PRKN: variants seen among roughly 807,000 people sequenced by gnomAD.
The protein encoded by PRKN is E3 ubiquitin-protein ligase parkin.
In PRKN, 56 loss-of-function variants were observed where a neutral mutation model predicts 59.5. That is an observed-to-expected ratio of 0.94 (90% CI 0.76 to 1.18). PRKN has a LOEUF of 1.18. PRKN is among the 50% of genes most tolerant of loss of function. The pLI, the probability that PRKN is intolerant of heterozygous loss-of-function variation, is 0.00. For missense variants in PRKN, 657 were observed against 596.4 expected (o/e 1.10, Z -1.06); for synonymous variants, 250 against 222.1 (o/e 1.13, Z -1.12).
intron 4 of PRKN, among the ~76,000 whole-genome samples, chr6:162,151,870 G>T (rs1030368168): frequency 3.3e-5 from 5 of 151,484 alleles, no homozygotes; most frequent in South Asian, 2.1e-4. Flanking sequence ...GACATAAACT[G>T]CCCAGAGTTA....
At chr6:162,235,964 A>AGAAAAAGAAAGAAAGAAAGAAAGAAAG (rs1554288862) in intron 3 of PRKN, among the ~76,000 whole-genome samples, 12 of 87,246 alleles carry the variant, frequency 1.4e-4, no homozygotes, top group Non-Finnish European at 2.4e-4. Context: ...AAAGGAAGAA[A>AGAAAAAGAAAGAAAGAAAGAAAGAAAG]GAAAGAAAGA....
intron 5 of PRKN, among the ~76,000 whole-genome samples, chr6:162,049,481 CTT>C (rs1378138823): frequency 2.6e-5 from 4 of 152,122 alleles, no homozygotes; most frequent in African/African-American, 9.7e-5. Flanking sequence ...GTGCTCAAAC[CTT>C]CAGTCCCTTC....
chr6:162,458,809 G>T (rs1402667327), intron 1 of PRKN, among the ~76,000 whole-genome samples: 1 of 152,024 alleles, frequency 6.6e-6, no homozygotes, highest in Non-Finnish European at 1.5e-5. Flanking sequence ...AGAAGAGGAA[G>T]AAATAAATGT....
intron 6 of PRKN, among the ~76,000 whole-genome samples, chr6:161,931,945 T>A (rs1408111248): frequency 1.3e-5 from 2 of 152,140 alleles, no homozygotes; most frequent in Non-Finnish European, 2.9e-5. Context: ...AAACAATTCA[T>A]CCATCGAAGG....
At chr6:161,539,870 G>A (rs912332762) in intron 9 of PRKN, among the ~76,000 whole-genome samples, 2 of 152,034 alleles carry the variant, frequency 1.3e-5, no homozygotes, top group Non-Finnish European at 1.5e-5. Context: ...AAGTGATTCC[G>A]TATCAGGACA....
At chr6:162,387,431 G>C (rs1786892068) in intron 2 of PRKN, among the ~76,000 whole-genome samples, 1 of 151,856 alleles carries the variant, frequency 6.6e-6, no homozygotes, top group African/African-American at 2.4e-5. Flanking sequence ...TGTTCATACA[G>C]AGAAATTGAG....
At chr6:162,254,547 C>G (rs1393492972) in intron 3 of PRKN, among the ~76,000 whole-genome samples, 1 of 151,966 alleles carries the variant, frequency 6.6e-6, no homozygotes, top group Admixed American at 6.6e-5. Flanking sequence ...GATCTGAAAA[C>G]AGTGCTCAGT....
intron 2 of PRKN, among the ~76,000 whole-genome samples, chr6:162,306,638 A>G (rs1236859842): frequency 1.3e-5 from 2 of 152,228 alleles, no homozygotes; most frequent in African/African-American, 4.8e-5. Flanking sequence ...AAGTATTTGA[A>G]CAAATTAATT....
intron 8 of PRKN, 41 bp downstream of exon 8, chr6:161,569,314 T>G (rs2115479793): frequency 6.3e-7 from 1 of 1,580,282 alleles, no homozygotes; most frequent in South Asian, 1.1e-5. Flanking sequence ...AGCGTCTATC[T>G]TTCATGACAG....
chr6:161,791,410 C>T (rs1022428914), intron 6 of PRKN, among the ~76,000 whole-genome samples: 5 of 152,244 alleles, frequency 3.3e-5, no homozygotes, highest in East Asian at 3.9e-4. Flanking sequence ...AAATAGCATG[C>T]GAGTTTTTAT....
chr6:161,501,149 G>A (rs1229842641), intron 9 of PRKN, among the ~76,000 whole-genome samples: 1 of 152,152 alleles, frequency 6.6e-6, no homozygotes, highest in East Asian at 1.9e-4. Flanking sequence ...TGGGATTACA[G>A]GCAAGAGCCA....
At chr6:162,028,889 G>A (rs1008341235) in intron 5 of PRKN, among the ~76,000 whole-genome samples, 1 of 152,224 alleles carries the variant, frequency 6.6e-6, no homozygotes, top group Non-Finnish European at 1.5e-5. Flanking sequence ...AAGCCATGTG[G>A]AAACCAAAGA....
In PRKN at chr6:161,733,640, C is replaced by T. The variant is rs1787812413; in HGVS notation, c.871+52132G>A. 2.0e-5 allele frequency among the ~76,000 whole-genome samples: 3 copies of T among 151,786 alleles called. No individual in the cohort carries two copies. The South Asian group carries it at 6.3e-4, about 32-fold the overall frequency. On this transcript the variant is annotated intron_variant, in intron 7 of 11. Coordinates refer to ENST00000366898, the MANE Select transcript of PRKN (RefSeq NM_004562.3). The stretch of plus-strand genomic sequence containing the variant: ...TTCACTTTGCTTAACTGAAACAAAG[C>T]TTGATCCCAAAGAGAGAAAATTTTC...
In PRKN at chr6:161,499,993, T is replaced by C. The variant is rs1226276905; in HGVS notation, c.1083+48861A>G. ...CACTCTCCTCCTTCCCCACTTTTGT[T>C]CATGCAGTGTCTTTGCCAAAAGTCC... is the stretch of plus-strand genomic sequence containing the variant. On this transcript the variant is annotated intron_variant, in intron 9 of 11. Coordinates refer to ENST00000366898, the MANE Select transcript of PRKN (RefSeq NM_004562.3). This position sits in a 1 kb window ranked among gnomAD's most constrained non-coding sequence, Gnocchi z 4.2. 6.6e-6 allele frequency among the ~76,000 whole-genome samples: 1 copy of C among 152,200 alleles called. No individual in the cohort carries two copies. Among genetic ancestry groups the C allele is most frequent in the Non-Finnish European group, 1.5e-5 (1 of 68,034 alleles).
intron 7 of PRKN, among the ~76,000 whole-genome samples, chr6:161,761,248 T>G (rs1349359059): frequency 1.3e-5 from 2 of 152,202 alleles, no homozygotes; most frequent in African/African-American, 4.8e-5. Context: ...GGGCTGCTCT[T>G]TGAAAGTAAA....
intron 1 of PRKN, among the ~76,000 whole-genome samples, chr6:162,499,618 TGAAAGACTTTTG>T (rs1481899741): frequency 6.6e-6 from 1 of 152,226 alleles, no homozygotes; most frequent in Non-Finnish European, 1.5e-5. Flanking sequence ...CTTCAAAGGT[TGAAAGACTTTTG>T]GAAAATTAAT....
intron 4 of PRKN, among the ~76,000 whole-genome samples, chr6:162,183,750 A>G (rs1009130979): frequency 1.3e-5 from 2 of 152,128 alleles, no homozygotes; most frequent in African/African-American, 4.8e-5. Flanking sequence ...TAGCCATAAA[A>G]CTTTACTAAC....
In PRKN at chr6:161,405,182, T is replaced by A. The variant is rs1222965736; in HGVS notation, c.1084-18305A>T. ...CAAATGGCAGTGGGTGAAATAGGCT[T>A]GGTCACACAGTGACAAGATTTACAA... On this transcript the variant is annotated intron_variant, in intron 9 of 11. Coordinates refer to ENST00000366898, the MANE Select transcript of PRKN (RefSeq NM_004562.3). The surrounding 1 kb of genome is among the most constrained non-coding windows in gnomAD (Gnocchi z 5.1). Among the ~76,000 whole-genome samples the A allele has an allele frequency of 1.3e-5, 2 of 152,210 alleles. No individual in the cohort carries two copies. Among genetic ancestry groups the A allele is most frequent in the East Asian group, 3.8e-4 (2 of 5,202 alleles).
intron 9 of PRKN, among the ~76,000 whole-genome samples, chr6:161,436,626 G>A (rs1340655867): frequency 6.6e-6 from 1 of 151,982 alleles, no homozygotes; most frequent in African/African-American, 2.4e-5. Flanking sequence ...GAGAAAGAGA[G>A]AAAGGCATGA....
Sources: allele counts gnomAD v4.1 joint callset (sites outside exome capture counted in the v4.1 genomes callset), GRCh38; gene constraint gnomAD v4.1.1; non-coding constraint Gnocchi (gnomAD v3.1); transcripts MANE v1.5; gene names NCBI Gene and HGNC (gene_info 2026-07-23, HGNC 2026-07-21).